The following PDZRN4 variants were observed in gnomAD, a reference collection of about 807,000 sequenced individuals.
PDZRN4 encodes PDZ domain containing ring finger 4, also known as PDZ domain-containing RING finger protein 4.
A neutral mutation model predicts 99.0 loss-of-function variants in PDZRN4; 70 were observed. The ratio of observed to expected loss-of-function variants is 0.71; its 90% confidence interval spans 0.58 to 0.86. The LOEUF (loss-of-function observed/expected upper bound fraction) is 0.86. Ranked by LOEUF, PDZRN4 falls within the 40% of genes least tolerant of loss-of-function variation. The pLI is 0.00. For missense variants in PDZRN4, 1,474 were observed against 1,331.2 expected, an observed-to-expected ratio of 1.11 and a Z score of -1.67; for synonymous variants, 551 against 501.6, an observed-to-expected ratio of 1.10 and a Z score of -1.32.
At chr12:41,434,785 GGAA>G (rs1952614776) in intron 3 of PDZRN4, among the ~76,000 whole-genome samples, 1 of 152,094 alleles carries the variant, frequency 6.6e-6, no homozygotes, top group Non-Finnish European at 1.5e-5. Context: ...AAGGATACTT[GGAA>G]AGATAGTTCT....
chr12:41,249,898 A>C (rs898764058), intron 3 of PDZRN4, among the ~76,000 whole-genome samples: 3 of 152,202 alleles, frequency 2.0e-5, no homozygotes, highest in Admixed American at 2.0e-4. Context: ...GTGAGGGGTT[A>C]TGTGTGTATG....
At chr12:41,345,271 G>C (rs186960756) in intron 3 of PDZRN4, among the ~76,000 whole-genome samples, 90 of 152,272 alleles carry the variant, frequency 5.9e-4, no homozygotes, top group African/African-American at 2.1e-3. Flanking sequence ...GCACAGACGC[G>C]TTCCTTTTGT....
At chr12:41,386,581 T>C (rs921455082) in intron 3 of PDZRN4, among the ~76,000 whole-genome samples, 7 of 152,162 alleles carry the variant, frequency 4.6e-5, no homozygotes, top group Non-Finnish European at 8.8e-5. Flanking sequence ...GCTATACCTA[T>C]TAAACTACCA....
At chr12:41,240,905 G>T (rs958561951) in intron 3 of PDZRN4, among the ~76,000 whole-genome samples, 1 of 151,940 alleles carries the variant, frequency 6.6e-6, no homozygotes, top group African/African-American at 2.4e-5. Context: ...GAATTTTGGG[G>T]GAACACAACA....
At chr12:41,531,342 C>A (rs1017795012) in intron 5 of PDZRN4, among the ~76,000 whole-genome samples, 3 of 152,150 alleles carry the variant, frequency 2.0e-5, no homozygotes, top group Non-Finnish European at 4.4e-5. Context: ...AGTGGATGGC[C>A]TGCCGGAGTT....
At chr12:41,234,366 G>T (rs1951051292) in intron 3 of PDZRN4, among the ~76,000 whole-genome samples, 1 of 152,062 alleles carries the variant, frequency 6.6e-6, no homozygotes, top group Non-Finnish European at 1.5e-5. Context: ...AGTTATCTTA[G>T]AAAAGTTCAA....
intron 3 of PDZRN4, among the ~76,000 whole-genome samples, chr12:41,477,600 A>T (rs1030503512): frequency 2.6e-5 from 4 of 152,226 alleles, no homozygotes; most frequent in African/African-American, 9.6e-5. Flanking sequence ...GGTAGCAGCC[A>T]TCAGCAAAAG....
At chr12:41,311,458 A>G (rs1951606151) in intron 3 of PDZRN4, among the ~76,000 whole-genome samples, 1 of 152,178 alleles carries the variant, frequency 6.6e-6, no homozygotes, top group Admixed American at 6.5e-5. Context: ...GTGGGCCTGA[A>G]TATCTGTAAT....
chr12:41,252,536 T>G (rs1951177433), intron 3 of PDZRN4, among the ~76,000 whole-genome samples: 1 of 152,112 alleles, frequency 6.6e-6, no homozygotes, highest in African/African-American at 2.4e-5. Context: ...TCACAGGAGT[T>G]TGAGACCAGT....
chr12:41,388,220 G>A (rs552254161), intron 3 of PDZRN4, among the ~76,000 whole-genome samples: 150 of 152,214 alleles, frequency 9.9e-4, no homozygotes, highest in African/African-American at 2.9e-3. Context: ...GATCAATAGA[G>A]GGAACAACAC....
chr12:41,303,045 G>A (rs1266198387), intron 3 of PDZRN4, among the ~76,000 whole-genome samples: 1 of 151,754 alleles, frequency 6.6e-6, no homozygotes, highest in Non-Finnish European at 1.5e-5. Context: ...CATAATACTG[G>A]CCCTAGTACT....
chr12:41,422,657 A>G (rs1952501944), intron 3 of PDZRN4, among the ~76,000 whole-genome samples: 1 of 152,088 alleles, frequency 6.6e-6, no homozygotes, highest in Non-Finnish European at 1.5e-5. Context: ...CGAAGAACTC[A>G]CTTACTGTCA....
chr12:41,245,957 A>G (rs1364885799), intron 3 of PDZRN4, among the ~76,000 whole-genome samples: 1 of 152,194 alleles, frequency 6.6e-6, no homozygotes, highest in Admixed American at 6.5e-5. Flanking sequence ...GGGAAAGCGA[A>G]GGATCTTGTT....
intron 3 of PDZRN4, among the ~76,000 whole-genome samples, chr12:41,420,291 C>G (rs74078819): frequency 0.038 from 5,769 of 152,226 alleles, 171 homozygotes; most frequent in African/African-American, 0.086. Context: ...TGTACTCTGT[C>G]TCCCTTCAGC....
chr12:41,459,277 A>G (rs1952848240), intron 3 of PDZRN4, among the ~76,000 whole-genome samples: 1 of 152,196 alleles, frequency 6.6e-6, no homozygotes, highest in African/African-American at 2.4e-5. Context: ...AATTTAAGGA[A>G]GTGCTAGAAG....
At chr12:41,271,303 G>A (rs1218867762) in intron 3 of PDZRN4, among the ~76,000 whole-genome samples, 1 of 151,972 alleles carries the variant, frequency 6.6e-6, no homozygotes, top group Non-Finnish European at 1.5e-5. Context: ...ATTACACTTA[G>A]CTACTTTCCC....
chr12:41,252,933 T>A (rs1245816236), intron 3 of PDZRN4, among the ~76,000 whole-genome samples: 1 of 152,182 alleles, frequency 6.6e-6, no homozygotes, highest in African/African-American at 2.4e-5. Context: ...AATGGGTATA[T>A]TTTATTGTAT....
At chr12:41,349,773 G>T (rs1415950963) in intron 3 of PDZRN4, among the ~76,000 whole-genome samples, 1 of 151,868 alleles carries the variant, frequency 6.6e-6, no homozygotes, top group Non-Finnish European at 1.5e-5. Flanking sequence ...TTACAATGAG[G>T]CATTTCATAA....
intron 3 of PDZRN4, among the ~76,000 whole-genome samples, chr12:41,500,190 C>T (rs919907345): frequency 1.3e-5 from 2 of 151,996 alleles, no homozygotes; most frequent in South Asian, 4.2e-4. Context: ...AGGGAACAGA[C>T]TACTGGAGGT....
Sources: allele counts gnomAD v4.1 joint callset (sites outside exome capture counted in the v4.1 genomes callset), GRCh38; gene constraint gnomAD v4.1.1; transcripts MANE v1.5; gene names NCBI Gene and HGNC (gene_info 2026-07-23, HGNC 2026-07-21).